Variants in FRMD4A observed in about 807,000 individuals in gnomAD.
FRMD4A encodes the protein FERM domain-containing protein 4A.
In FRMD4A, 29 loss-of-function variants were observed where a neutral mutation model predicts 129.1. That is an observed-to-expected ratio of 0.22 (90% CI 0.17 to 0.31). The LOEUF is 0.31. Among genes scored for constraint, FRMD4A ranks in the 10% least tolerant of loss-of-function variants. The pLI, the probability that FRMD4A is intolerant of heterozygous loss-of-function variation, is 1.00. For missense variants in FRMD4A, 1,272 were observed against 1,375.8 expected (o/e 0.92, Z 1.19); for synonymous variants, 634 against 571.6 (o/e 1.11, Z -1.56).
At chr10:14,240,938 C>A (rs973175902) in intron 2 of FRMD4A, among the ~76,000 whole-genome samples, 3 of 150,756 alleles carry the variant, frequency 2.0e-5, no homozygotes, top group African/African-American at 7.3e-5. Context: ...AAATTCCGGG[C>A]AATTTTGTAT....
intron 2 of FRMD4A, among the ~76,000 whole-genome samples, chr10:14,149,749 T>G (rs998614456): frequency 1.3e-5 from 2 of 152,190 alleles, no homozygotes; most frequent in African/African-American, 4.8e-5. Context: ...AGGTGGGAGA[T>G]GGGCTGTGAC....
rs774891400 is a variant in FRMD4A, at chr10:13,707,755, C to T, written c.760-642G>A. ...GTCAAGCCCATTCTTCTTGCTGCAG[C>T]ACAAAGAAAACCAAGAGTTCTGTCG... On this transcript the variant is annotated intron_variant, in intron 12 of 24. Transcript: ENST00000357447. The T allele has an allele frequency of 6.2e-5, 61 of 985,286 alleles. 1 individual carries two copies. Among genetic ancestry groups the T allele is most frequent in the Non-Finnish European group, 7.2e-5 (60 of 829,960 alleles). 61.0% of individuals were successfully genotyped at this position (985,286 alleles called of 1,614,324 possible).
chr10:13,895,798 C>T (rs573832844), intron 2 of FRMD4A, among the ~76,000 whole-genome samples: 5 of 152,184 alleles, frequency 3.3e-5, no homozygotes, highest in African/African-American at 4.8e-5. Flanking sequence ...CCAGAATCTA[C>T]AAGGAACTTA....
At chr10:14,129,011 A>G (rs1839082392) in intron 2 of FRMD4A, among the ~76,000 whole-genome samples, 1 of 152,082 alleles carries the variant, frequency 6.6e-6, no homozygotes, top group South Asian at 2.1e-4. Flanking sequence ...TGAGAAAATA[A>G]GCTTCCCTTG....
chr10:13,940,767 C>G (rs1236964572), intron 2 of FRMD4A, among the ~76,000 whole-genome samples: 1 of 152,206 alleles, frequency 6.6e-6, no homozygotes, highest in Non-Finnish European at 1.5e-5. Context: ...TCCATTTTAT[C>G]TTTCCAAGCA....
chr10:13,650,475 C>T (rs1589189726), intron 24 of FRMD4A, among the ~76,000 whole-genome samples: 1 of 152,356 alleles, frequency 6.6e-6, no homozygotes, highest in African/African-American at 2.4e-5. Flanking sequence ...TACATTCCCA[C>T]CGCAGCTCTT....
chr10:13,752,943 G>A (rs1401775324), intron 8 of FRMD4A, among the ~76,000 whole-genome samples: 4 of 152,124 alleles, frequency 2.6e-5, no homozygotes, highest in African/African-American at 9.7e-5. Flanking sequence ...TTAATTCCAG[G>A]TGCTGCCCTA....
At chr10:13,772,668 G>T (rs1168564031) in intron 6 of FRMD4A, among the ~76,000 whole-genome samples, 1 of 152,146 alleles carries the variant, frequency 6.6e-6, no homozygotes, top group Non-Finnish European at 1.5e-5. Context: ...AGGAAGGAAT[G>T]GGAGGTCATG....
intron 15 of FRMD4A, among the ~76,000 whole-genome samples, chr10:13,683,806 G>C (rs2084837058): frequency 6.6e-6 from 1 of 151,526 alleles, no homozygotes. Context: ...TCTGCCTCCT[G>C]GGTTCAAGTG....
intron 13 of FRMD4A, among the ~76,000 whole-genome samples, chr10:13,706,463 C>T (rs189278643): frequency 1.9e-4 from 29 of 152,156 alleles, no homozygotes; most frequent in Admixed American, 1.8e-3. Flanking sequence ...CTCTGGGGTA[C>T]GATTTTGGGT....
In FRMD4A at chr10:14,178,027, C is replaced by G. The variant is rs529256128; in HGVS notation, c.45+152031G>C. On this transcript the variant is annotated intron_variant, in intron 2 of 24. Coordinates refer to ENST00000357447, the MANE Select transcript of FRMD4A (RefSeq NM_018027.5). ...TGGCAGGCACTGGGCTAAGTGATTT[C>G]ATGCAGTAGTTCACACAATTCCCTT... Among the ~76,000 whole-genome samples, 18 of 152,302 alleles carry G rather than the reference C, an allele frequency of 1.2e-4. No individual in the cohort carries two copies. The South Asian group carries it at 3.3e-3, about 28-fold the overall frequency.
At chr10:14,186,254 C>G (rs553258000) in intron 2 of FRMD4A, among the ~76,000 whole-genome samples, 1 of 152,248 alleles carries the variant, frequency 6.6e-6, no homozygotes, top group Non-Finnish European at 1.5e-5. Flanking sequence ...AGAGCCTGTA[C>G]AGAACCAGCC....
At chr10:14,145,364 C>T (rs183018387) in intron 2 of FRMD4A, among the ~76,000 whole-genome samples, 79 of 152,206 alleles carry the variant, frequency 5.2e-4, no homozygotes, top group African/African-American at 1.8e-3. Context: ...ATTTTTAAAA[C>T]GAGTTCTATT....
Position 14,021,950 on chromosome 10 carries a change from GT to G in FRMD4A, c.46-163039del, listed in dbSNP as rs113180850. ...ATGCATGCAATCATGAGATTTCTGC[GT>G]TTTTTTTTGCATTTTATTGCTCCCA... On this transcript the variant is annotated intron_variant, in intron 2 of 24. Transcript: ENST00000357447. Among the ~76,000 whole-genome samples, 78 of 149,914 alleles carry G rather than the reference GT, an allele frequency of 5.2e-4. 3 individuals carry two copies. Among genetic ancestry groups the G allele is most frequent in the African/African-American group, 1.6e-3 (66 of 40,762 alleles).
chr10:14,009,204 C>A (rs535188909), intron 2 of FRMD4A, among the ~76,000 whole-genome samples: 1 of 152,298 alleles, frequency 6.6e-6, no homozygotes, highest in South Asian at 2.1e-4. Context: ...ATATTTTCCC[C>A]TACCTTCCCC....
chr10:14,051,617 G>A (rs1834263288), intron 2 of FRMD4A, among the ~76,000 whole-genome samples: 1 of 152,254 alleles, frequency 6.6e-6, no homozygotes, highest in Admixed American at 6.5e-5. Context: ...GACACTGGCA[G>A]ATTCAGCAGC....
chr10:13,941,441 C>T (rs981078652), intron 2 of FRMD4A, among the ~76,000 whole-genome samples: 14 of 152,132 alleles, frequency 9.2e-5, no homozygotes, highest in Admixed American at 5.2e-4. Flanking sequence ...AGCGTGTAAA[C>T]GGACTAATAC....
intron 8 of FRMD4A, among the ~76,000 whole-genome samples, chr10:13,750,439 G>A (rs1435233013): frequency 6.6e-6 from 1 of 152,200 alleles, no homozygotes. Flanking sequence ...GGTGAGAGGA[G>A]CTCCTACAAA....
intron 19 of FRMD4A, among the ~76,000 whole-genome samples, chr10:13,663,189 CAAAA>C (rs35995959): frequency 1.5e-5 from 2 of 131,100 alleles, no homozygotes; most frequent in East Asian, 2.6e-4. Flanking sequence ...GACCCTGTCT[CAAAA>C]AAAAAAAAAA....
Sources: gnomAD v4.1 joint callset for allele counts (sites outside exome capture counted in the v4.1 genomes callset) on GRCh38, gnomAD v4.1.1 for gene constraint, MANE v1.5 for transcripts, NCBI Gene and HGNC (gene_info 2026-07-23, HGNC 2026-07-21) for gene names.